Variants in PUDP observed in about 807,000 individuals in gnomAD.
PUDP encodes the protein pseudouridine-5'-phosphatase.
PUDP carries 8 observed loss-of-function variants against 9.4 expected under a neutral mutation model. The observed-to-expected ratio is 0.85, with a 90% confidence interval of 0.50 to 1.53. The LOEUF is 1.53. Ranked by LOEUF, PUDP falls within the 40% of genes most tolerant of loss-of-function variation. The pLI, the probability that PUDP is intolerant of heterozygous loss-of-function variation, is 0.00. For synonymous variants in PUDP, 99 were observed against 80.7 expected, an observed-to-expected ratio of 1.23 and a Z score of -1.22; for missense variants, 188 against 189.7, an observed-to-expected ratio of 0.99 and a Z score of 0.05.
At chrX:6,776,390 G>A (rs1925462686) in intron 3 of PUDP, among the ~76,000 whole-genome samples, 1 of 110,854 alleles carries the variant, frequency 9.0e-6, no homozygotes, top group African/African-American at 3.3e-5. Flanking sequence ...AAATTAGCCA[G>A]GCATGCAGTG....
At chrX:6,805,217 C>G (rs965013018) in intron 3 of PUDP, among the ~76,000 whole-genome samples, 2 of 111,412 alleles carry the variant, frequency 1.8e-5, no homozygotes, top group Admixed American at 1.9e-4. Flanking sequence ...CTGCAGTGAG[C>G]TGTGATTATG....
At chrX:6,993,823 A>C (rs1366764906) in intron 1 of PUDP, among the ~76,000 whole-genome samples, 1 of 111,880 alleles carries the variant, frequency 8.9e-6, no homozygotes, top group Non-Finnish European at 1.9e-5. Flanking sequence ...TTACTGAGTC[A>C]ATTGGACTGA....
intron 3 of PUDP, among the ~76,000 whole-genome samples, chrX:6,841,070 A>G (rs1926661106): frequency 9.0e-6 from 1 of 110,972 alleles, no homozygotes; most frequent in Admixed American, 9.6e-5. Context: ...CAAGGTCAGG[A>G]GTTCGAGACC....
intron 1 of PUDP, among the ~76,000 whole-genome samples, chrX:7,136,939 T>TACACCTCAGTCTTTA (rs1312133586): frequency 2.7e-5 from 3 of 111,664 alleles, no homozygotes; most frequent in Non-Finnish European, 3.8e-5. Flanking sequence ...CAATGACAAA[T>TACACCTCAGTCTTTA]ACACCTCAGT....
intron 3 of PUDP, among the ~76,000 whole-genome samples, chrX:6,942,959 A>C (rs955908430): frequency 8.9e-6 from 1 of 112,408 alleles, no homozygotes; most frequent in African/African-American, 3.2e-5. Flanking sequence ...ATGGCCTTCT[A>C]AACTGTGAGA....
At chrX:6,871,602 G>A (rs1927175759) in intron 3 of PUDP, among the ~76,000 whole-genome samples, 1 of 111,580 alleles carries the variant, frequency 9.0e-6, no homozygotes, top group Non-Finnish European at 1.9e-5. Context: ...AACTCAGGGA[G>A]ACAGTGTGGT....
chrX:6,750,642 T>A (rs758901572), intron 3 of PUDP, among the ~76,000 whole-genome samples: 2 of 111,333 alleles, frequency 1.8e-5, no homozygotes, highest in African/African-American at 6.5e-5. Flanking sequence ...AGAAACAGTT[T>A]CAGTAAAAAT....
At chrX:6,863,622 G>T (rs1927036171) in intron 3 of PUDP, among the ~76,000 whole-genome samples, 2 of 112,147 alleles carry the variant, frequency 1.8e-5, no homozygotes, top group Non-Finnish European at 3.8e-5. Flanking sequence ...TTGGGGCATG[G>T]TTTTCCCATT....
intron 3 of PUDP, among the ~76,000 whole-genome samples, chrX:6,818,268 T>C (rs763863806): frequency 2.7e-5 from 3 of 112,206 alleles, no homozygotes; most frequent in Admixed American, 1.9e-4. Flanking sequence ...GGAAAGTCTA[T>C]AAAGATGATC....
chrX:6,743,270 T>C lies in PUDP; in HGVS notation c.*248-36804A>G, dbSNP rs1044547265. On this transcript the variant is annotated intron_variant and NMD_transcript_variant, in intron 3 of 3. Coordinates refer to the PUDP transcript ENST00000655425. ...GTCTGAGGGCAGCCCCACCAGCCAG[T>C]CAACAAGTTTCATCACGAATAAAAT... is the stretch of plus-strand genomic sequence containing the variant. Among the ~76,000 whole-genome samples, 10 of 112,213 alleles carry C rather than the reference T, an allele frequency of 8.9e-5. 1 individual carries two copies. Among genetic ancestry groups the C allele is most frequent in the African/African-American group, 3.3e-4 (10 of 30,693 alleles).
At chrX:7,043,333 G>C (rs1929947310) in intron 1 of PUDP, among the ~76,000 whole-genome samples, 1 of 110,376 alleles carries the variant, frequency 9.1e-6, no homozygotes, top group Non-Finnish European at 1.9e-5. Context: ...TCCTACAAGA[G>C]CTGATTGTTA....
intron 1 of PUDP, among the ~76,000 whole-genome samples, chrX:7,034,452 T>C (rs1162129262): frequency 8.9e-6 from 1 of 112,042 alleles, no homozygotes; most frequent in Non-Finnish European, 1.9e-5. Context: ...CTAGGAAAGG[T>C]ATTTAAAAAA....
chrX:6,830,370 A>AG (rs775839610), intron 3 of PUDP, among the ~76,000 whole-genome samples: 1 of 111,846 alleles, frequency 8.9e-6, no homozygotes, highest in Admixed American at 9.5e-5. Context: ...AGGAAAAAAA[A>AG]GTGAGAAGAA....
At chrX:6,799,264 T>G (rs2146693686) in intron 3 of PUDP, among the ~76,000 whole-genome samples, 1 of 112,407 alleles carries the variant, frequency 8.9e-6, no homozygotes, top group Non-Finnish European at 1.9e-5. Context: ...TTAGAGGAAG[T>G]GTGGACCCAT....
At chrX:7,061,487 A>AGG (rs1318288523) in intron 3 of PUDP, among the ~76,000 whole-genome samples, 1 of 110,778 alleles carries the variant, frequency 9.0e-6, no homozygotes, top group African/African-American at 3.3e-5. Flanking sequence ...CTCTCAAGGA[A>AGG]GGGTCCCACT....
chrX:6,747,384 G>C (rs1032438976), intron 3 of PUDP, among the ~76,000 whole-genome samples: 9 of 111,814 alleles, frequency 8.0e-5, no homozygotes, highest in Non-Finnish European at 1.7e-4. Flanking sequence ...ATATGCATGA[G>C]ACCCTTGTCA....
chrX:6,723,720 C>A (rs904050816), upstream of PUDP, among the ~76,000 whole-genome samples: 1 of 92,741 alleles, frequency 1.1e-5, no homozygotes, highest in Non-Finnish European at 2.1e-5. Context: ...AACAAAAAAA[C>A]GCCTGATTGA....
At chrX:6,731,135 T>A (rs1924803708) in intron 3 of PUDP, among the ~76,000 whole-genome samples, 1 of 112,154 alleles carries the variant, frequency 8.9e-6, no homozygotes, top group African/African-American at 3.2e-5. Flanking sequence ...AGTGGTGCTA[T>A]CATATTTCAC....
intron 3 of PUDP, among the ~76,000 whole-genome samples, chrX:6,741,848 TTCTTTTTCTTTC>T (rs1569090414): frequency 2.9e-5 from 3 of 104,302 alleles, no homozygotes; most frequent in African/African-American, 1.1e-4. Context: ...CTTTCTTTCT[TTCTTTTTCTTTC>T]TTTCTTTCTT....
Sources: gnomAD v4.1 joint callset for allele counts (sites outside exome capture counted in the v4.1 genomes callset) on GRCh38, gnomAD v4.1.1 for gene constraint, MANE v1.5 for transcripts, NCBI Gene and HGNC (gene_info 2026-07-23, HGNC 2026-07-21) for gene names.